The following NTM variants were observed in gnomAD, a reference collection of about 807,000 sequenced individuals.
NTM encodes IgLON family member 2.
A neutral mutation model predicts 42.1 loss-of-function variants in NTM; 13 were observed. That is an observed-to-expected ratio of 0.31 (90% CI 0.20 to 0.49). The LOEUF is 0.49. NTM is among the 20% of genes least tolerant of loss of function. NTM has a pLI of 0.99. For synonymous variants in NTM, 187 were observed against 179.2 expected, an observed-to-expected ratio of 1.04 and a Z score of -0.35; for missense variants, 373 against 452.8, an observed-to-expected ratio of 0.82 and a Z score of 1.60.
chr11:131,708,808 T>C (rs1033592018), intron 1 of NTM, among the ~76,000 whole-genome samples: 1 of 152,152 alleles, frequency 6.6e-6, no homozygotes, highest in African/African-American at 2.4e-5. Flanking sequence ...ACATTTTTGC[T>C]GGGAGAAAAT....
chr11:131,664,686 A>C (rs2068686918), intron 1 of NTM, among the ~76,000 whole-genome samples: 1 of 151,080 alleles, frequency 6.6e-6, no homozygotes, highest in African/African-American at 2.4e-5. Context: ...GATGTAGTTC[A>C]TTATCCCCAA....
intron 6 of NTM, among the ~76,000 whole-genome samples, chr11:132,311,996 A>G (rs901658229): frequency 6.6e-6 from 1 of 152,034 alleles, no homozygotes; most frequent in Non-Finnish European, 1.5e-5. Context: ...AGTTCTTCTG[A>G]TGGCCTCTCC....
intron 1 of NTM, among the ~76,000 whole-genome samples, chr11:131,748,397 A>G (rs759904727): frequency 6.6e-6 from 1 of 152,242 alleles, no homozygotes; most frequent in Admixed American, 6.5e-5. Context: ...CAGCCGGCTA[A>G]CTTGGAAAGA....
At chr11:132,070,831 C>A (rs549827096) in intron 2 of NTM, among the ~76,000 whole-genome samples, 2 of 141,568 alleles carry the variant, frequency 1.4e-5, no homozygotes, top group South Asian at 2.5e-4. Context: ...CGTCACACAG[C>A]CAAGTTAACA....
chr11:131,639,287 T>C (rs1017040423), intron 1 of NTM, among the ~76,000 whole-genome samples: 2 of 152,248 alleles, frequency 1.3e-5, no homozygotes, highest in Non-Finnish European at 2.9e-5. Context: ...GTTTTTTGTT[T>C]GTTTTTCTTT....
chr11:132,302,944 A>C (rs1398204300), intron 4 of NTM, among the ~76,000 whole-genome samples: 2 of 152,206 alleles, frequency 1.3e-5, no homozygotes, highest in Non-Finnish European at 2.9e-5. Context: ...TCATCCCAGG[A>C]GATTCTGGTT....
intron 3 of NTM, among the ~76,000 whole-genome samples, chr11:132,176,067 T>TAATC (rs2076764966): frequency 6.6e-6 from 1 of 152,330 alleles, no homozygotes; most frequent in East Asian, 1.9e-4. Context: ...AAAGAAAGGT[T>TAATC]CATTGAATTA....
chr11:131,699,751 C>T (rs2135152404), intron 1 of NTM, among the ~76,000 whole-genome samples: 1 of 152,234 alleles, frequency 6.6e-6, no homozygotes, highest in East Asian at 1.9e-4. Flanking sequence ...CCTTATAAAA[C>T]CATCAGATCT....
chr11:132,301,714 G>A (rs148432821), intron 4 of NTM, among the ~76,000 whole-genome samples: 53 of 152,320 alleles, frequency 3.5e-4, no homozygotes, highest in African/African-American at 1.0e-3. Flanking sequence ...CAGAGCTGGT[G>A]CAGGACTGGA....
At chr11:132,219,599 CCAAT>C (rs2084684436) in intron 4 of NTM, among the ~76,000 whole-genome samples, 1 of 151,942 alleles carries the variant, frequency 6.6e-6, no homozygotes. Flanking sequence ...ATTTCCCAAA[CCAAT>C]CAAAGGAATT....
At position 131,881,509 on chromosome 11, in the gene NTM, C is replaced by CACACACACACA. The variant is rs372489485; in HGVS notation, c.83-30055_83-30054insACACACACACA. 7.6e-5 allele frequency among the ~76,000 whole-genome samples: 11 copies of CACACACACACA among 145,606 alleles called. 1 individual carries two copies. The highest frequency in any genetic ancestry group is 2.2e-4 in the South Asian group (1 of 4,546). ...ACACACACACACACACACACACACACCCCCCAAAGCTTTGACGCAGAGGAG... is the reference window on the plus strand; with the variant it reads ...ACACACACACACACACACACACACACACACACACACACCCCCAAAGCTTTGACGCAGAGGAG... On this transcript the variant is annotated intron_variant, in intron 1 of 8. Coordinates refer to ENST00000683400, the MANE Select transcript of NTM (RefSeq NM_001352005.2).
chr11:131,853,435 C>T (rs1338514903), intron 1 of NTM, among the ~76,000 whole-genome samples: 2 of 152,090 alleles, frequency 1.3e-5, no homozygotes, highest in African/African-American at 4.8e-5. Flanking sequence ...TGTTGTTTCC[C>T]CCTGTGTGTC....
chr11:132,007,809 C>G (rs780579429), intron 2 of NTM, among the ~76,000 whole-genome samples: 7 of 152,086 alleles, frequency 4.6e-5, no homozygotes, highest in Non-Finnish European at 1.0e-4. Context: ...TCAGCTAAAA[C>G]ACAAAGCTTG....
In NTM at chr11:131,897,379, C is replaced by T. The variant is rs541841710; in HGVS notation, c.83-14185C>T. On this transcript the variant is annotated intron_variant, in intron 1 of 8. Coordinates refer to ENST00000683400, the MANE Select transcript of NTM (RefSeq NM_001352005.2). ...GATCTACCAGTGAGCAAAGGGTTGGCAATGCCCTTGGTAAAGTTTACATCA... is the reference window on the plus strand; with the variant it reads ...GATCTACCAGTGAGCAAAGGGTTGGTAATGCCCTTGGTAAAGTTTACATCA... 3.3e-5 allele frequency among the ~76,000 whole-genome samples: 5 copies of T among 152,294 alleles called. 1 individual carries two copies. The South Asian group carries it at 1.0e-3, about 32-fold the overall frequency.
chr11:131,526,882 C>A (rs1317265170), intron 1 of NTM, among the ~76,000 whole-genome samples: 1 of 152,222 alleles, frequency 6.6e-6, no homozygotes, highest in Non-Finnish European at 1.5e-5. Flanking sequence ...AATATTTATA[C>A]TTCTCTCCAT....
chr11:131,384,242 G>A (rs1943042341), intron 1 of NTM, among the ~76,000 whole-genome samples: 1 of 152,088 alleles, frequency 6.6e-6, no homozygotes, highest in Non-Finnish European at 1.5e-5. Flanking sequence ...AGAATTGAGG[G>A]CAAACACTAG....
intron 1 of NTM, among the ~76,000 whole-genome samples, chr11:131,462,451 C>T (rs6590579): frequency 0.061 from 9,235 of 152,120 alleles, 642 homozygotes; most frequent in East Asian, 0.21. Context: ...ACAAAAATGA[C>T]AAAATCAAGA....
chr11:131,703,651 A>G (rs1477475242), intron 1 of NTM, among the ~76,000 whole-genome samples: 27 of 152,362 alleles, frequency 1.8e-4, no homozygotes, highest in Non-Finnish European at 2.8e-4. Flanking sequence ...AAGAATCCAG[A>G]TGAGAGGCCA....
intron 2 of NTM, among the ~76,000 whole-genome samples, chr11:131,915,698 G>A (rs986731531): frequency 6.6e-6 from 1 of 152,110 alleles, no homozygotes; most frequent in Non-Finnish European, 1.5e-5. Flanking sequence ...CACGTGGCTG[G>A]GGAGGCCTCA....
Sources: gnomAD v4.1 joint callset for allele counts (sites outside exome capture counted in the v4.1 genomes callset) on GRCh38, gnomAD v4.1.1 for gene constraint, MANE v1.5 for transcripts, NCBI Gene and HGNC (gene_info 2026-07-23, HGNC 2026-07-21) for gene names.